CSMD2: variants seen among roughly 807,000 people sequenced by gnomAD.
CSMD2 encodes CUB and sushi domain-containing protein 2.
In CSMD2, 130 loss-of-function variants were observed where a neutral mutation model predicts 398.5. The ratio of observed to expected loss-of-function variants is 0.33; its 90% CI spans 0.28 to 0.38. CSMD2 has a LOEUF of 0.38. Among genes scored for constraint, CSMD2 ranks in the 10% least tolerant of loss-of-function variants. CSMD2 has a pLI of 1.00. For missense variants in CSMD2, 3,829 were observed against 4,764.9 expected (o/e 0.80, Z 5.78); for synonymous variants, 1,828 against 1,908.5 (o/e 0.96, Z 1.10).
intron 24 of CSMD2, among the ~76,000 whole-genome samples, chr1:33,697,186 G>A (rs1345754516): frequency 6.6e-6 from 1 of 152,126 alleles, no homozygotes; most frequent in East Asian, 1.9e-4. Flanking sequence ...CTTGTAATAC[G>A]AGTCATCATC....
At chr1:33,909,514 G>A (rs1266322009) in intron 5 of CSMD2, among the ~76,000 whole-genome samples, 2 of 151,990 alleles carry the variant, frequency 1.3e-5, no homozygotes, top group Admixed American at 6.6e-5. Flanking sequence ...TTCCACAAAG[G>A]CAGAGGCCTT....
chr1:33,772,051 A>G (rs1225425700), intron 13 of CSMD2: 2 of 153,006 alleles, frequency 1.3e-5, no homozygotes, highest in African/African-American at 4.8e-5. Context: ...CCAAAAGATC[A>G]ACAGTCCAAA....
At position 33,625,065 on chromosome 1, in the gene CSMD2, G is replaced by T. The variant is rs199781077; in HGVS notation, c.5486C>A (p.Ala1829Glu). 21 of 1,614,010 alleles carry T rather than the reference G, an allele frequency of 1.3e-5. No individual in the cohort carries two copies. In the East Asian group the frequency reaches 4.5e-4, roughly 34 times the overall value. Reference protein sequence around the residue: ...PGALAQWNVSAPTCVVPCGGN... With the variant: ...PGALAQWNVSEPTCVVPCGGN... Reference sequence around the variant, plus strand: ...TGGTTACTCACCCACACACGTGGGCGCTGAGACATTCCATTGGGCCAAGGC... The same window carrying T: ...TGGTTACTCACCCACACACGTGGGCTCTGAGACATTCCATTGGGCCAAGGC... Residue 1829 changes from alanine (A) to glutamate (E), a missense_variant, in exon 34 of 71, where the codon GCG becomes GAG. This residue lies in a region of CSMD2 where 2,001 missense variants were observed against 2,567.1 expected (regional missense o/e 0.78). Coordinates refer to ENST00000373381, the MANE Select transcript of CSMD2 (RefSeq NM_001281956.2).
chr1:33,607,642 C>T (rs993854203), intron 41 of CSMD2, among the ~76,000 whole-genome samples: 4 of 152,212 alleles, frequency 2.6e-5, no homozygotes, highest in East Asian at 3.9e-4. Context: ...AGGTTGGGAT[C>T]GCCCCAAACG....
chr1:34,002,191 C>T (rs886951614), intron 3 of CSMD2, among the ~76,000 whole-genome samples: 1 of 152,110 alleles, frequency 6.6e-6, no homozygotes, highest in Non-Finnish European at 1.5e-5. Context: ...AAGGGTGATG[C>T]CCTGAAAACC....
rs1378592128 is a variant in CSMD2 at position 33,635,898 on chromosome 1, C to T, written c.4969+462G>A. Among the ~76,000 whole-genome samples, 1 of 152,110 alleles carries T rather than the reference C, an allele frequency of 6.6e-6. No homozygotes were observed. The highest frequency in any genetic ancestry group is 2.4e-5 in the African/African-American group (1 of 41,408). ...CTTTTCAATGGGTGGTCACCAAGCTCTTAAAGCCCTGATACTCATTCCTAT... is the reference window on the plus strand; with the variant it reads ...CTTTTCAATGGGTGGTCACCAAGCTTTTAAAGCCCTGATACTCATTCCTAT... On this transcript the variant is annotated intron_variant, in intron 30 of 70. Transcript: ENST00000373381. This position sits in a 1 kb window ranked among gnomAD's most constrained non-coding sequence, Gnocchi z 5.0.
At chr1:33,837,431 T>C (rs902551873) in intron 6 of CSMD2, among the ~76,000 whole-genome samples, 3 of 147,174 alleles carry the variant, frequency 2.0e-5, no homozygotes, top group Non-Finnish European at 3.0e-5. Flanking sequence ...GTCCCAATGA[T>C]ATTATACTGA....
intron 13 of CSMD2, among the ~76,000 whole-genome samples, chr1:33,748,038 G>A (rs1163895605): frequency 2.6e-5 from 4 of 152,118 alleles, no homozygotes; most frequent in Non-Finnish European, 5.9e-5. Flanking sequence ...CTACCAAGAG[G>A]CATTTCTTAT....
chr1:33,794,734 C>T (rs2124887762), intron 10 of CSMD2, among the ~76,000 whole-genome samples: 1 of 152,226 alleles, frequency 6.6e-6, no homozygotes, highest in East Asian at 1.9e-4. Context: ...GCTCGGAGTC[C>T]AATTCGCAGC....
At chr1:33,953,104 T>G (rs568113068) in intron 3 of CSMD2, among the ~76,000 whole-genome samples, 1 of 152,314 alleles carries the variant, frequency 6.6e-6, no homozygotes, top group African/African-American at 2.4e-5. Context: ...AGGTGGACCA[T>G]GGGCAAAAGT....
chr1:33,799,489 T>G (rs149534712), intron 10 of CSMD2, among the ~76,000 whole-genome samples: 2 of 152,316 alleles, frequency 1.3e-5, no homozygotes, highest in Admixed American at 1.3e-4. Flanking sequence ...ACACCATGGA[T>G]AGTGGGTTAC....
chr1:33,577,537 G>T, intron 48 of CSMD2, 53 bp from the exon 49 acceptor site: 1 of 1,501,336 alleles, frequency 6.7e-7, no homozygotes, highest in Non-Finnish European at 9.1e-7. Flanking sequence ...AGACAGACAT[G>T]GTCTTTCATG....
At chr1:33,942,784 T>A (rs1644718128) in intron 3 of CSMD2, among the ~76,000 whole-genome samples, 1 of 152,248 alleles carries the variant, frequency 6.6e-6, no homozygotes, top group Non-Finnish European at 1.5e-5. Context: ...CTCTGAGCTT[T>A]AACTGCTCAA....
rs1557792524 is a variant in CSMD2, at chr1:33,724,280, C to T, written c.2918G>A (p.Gly973Glu). The T allele has an allele frequency of 6.2e-7, 1 of 1,613,986 alleles. No individual in the cohort carries two copies. Among genetic ancestry groups the T allele is most frequent in the Non-Finnish European group, 8.5e-7 (1 of 1,179,970 alleles). Reference sequence around the variant, plus strand: ...AGGGAACCCTGGCGACAAGATGGTCCCACTGGAGCCTTGAATGAAGCCACC... The same window carrying T: ...AGGGAACCCTGGCGACAAGATGGTCTCACTGGAGCCTTGAATGAAGCCACC... Reference protein sequence around the residue: ...LCGGFIQGSSGTILSPGFPDF... With the variant: ...LCGGFIQGSSETILSPGFPDF... The change falls in exon 19 of 71, where the codon GGG becomes GAG. Residue 973 changes from glycine (G) to glutamate (E), a missense_variant. This residue lies in a region of CSMD2 where 2,001 missense variants were observed against 2,567.1 expected (regional missense o/e 0.78). Transcript: ENST00000373381.
chr1:34,121,193 C>T (rs1409205823), intron 1 of CSMD2, among the ~76,000 whole-genome samples: 1 of 152,182 alleles, frequency 6.6e-6, no homozygotes, highest in Non-Finnish European at 1.5e-5. Context: ...CTGGGGTTTT[C>T]TCCTATGTTC....
At chr1:34,013,958 C>T (rs552837011) in intron 3 of CSMD2, among the ~76,000 whole-genome samples, 3 of 152,298 alleles carry the variant, frequency 2.0e-5, no homozygotes, top group Admixed American at 6.5e-5. Context: ...TCCTGATCTC[C>T]GCACCCCAAA....
chr1:33,862,925 C>A (rs1374656614), intron 5 of CSMD2: 4 of 152,192 alleles, frequency 2.6e-5, no homozygotes, highest in Admixed American at 2.6e-4. Context: ...AAAATATGGT[C>A]TAGTCTTAGG....
intron 22 of CSMD2, 49 bp from the exon 23 acceptor site, chr1:33,700,722 G>A (rs1645584933): frequency 4.4e-6 from 7 of 1,594,808 alleles, no homozygotes; most frequent in Non-Finnish European, 6.0e-6. Context: ...ATGGCCTTAT[G>A]TTGAACAACA....
At chr1:33,986,758 C>G (rs535853449) in intron 3 of CSMD2, among the ~76,000 whole-genome samples, 2 of 152,328 alleles carry the variant, frequency 1.3e-5, no homozygotes, top group East Asian at 3.9e-4. Flanking sequence ...AATGGGACAC[C>G]TGGAGCGTAA....
Sources: gnomAD v4.1 joint callset for allele counts (sites outside exome capture counted in the v4.1 genomes callset) on GRCh38, gnomAD v4.1.1 for gene constraint, gnomAD v4.1.1 regional missense constraint, Gnocchi (gnomAD v3.1) non-coding constraint, MANE v1.5 for transcripts, NCBI Gene and HGNC (gene_info 2026-07-23, HGNC 2026-07-21) for gene names.